Variants in KDM5B observed in about 807,000 individuals in gnomAD.
The protein encoded by KDM5B is lysine-specific demethylase 5B.
Under a neutral mutation model 193.4 loss-of-function variants are expected in KDM5B, and 144 were observed. The observed-to-expected ratio is 0.74, with a 90% CI of 0.65 to 0.86. The LOEUF is 0.86. KDM5B is among the 40% of genes least tolerant of loss of function. KDM5B has a pLI of 0.00. For missense variants in KDM5B, 1,833 were observed against 1,886.9 expected (o/e 0.97, Z 0.53); for synonymous variants, 668 against 682.6 (o/e 0.98, Z 0.33).
intron 7 of KDM5B, 128 bp from the exon 8 acceptor site, chr1:202,760,701 C>A: frequency 1.8e-6 from 1 of 541,190 alleles, no homozygotes; most frequent in Non-Finnish European, 3.1e-6. Flanking sequence ...GCTTCAACCT[C>A]TATAAGGGAT....
In KDM5B at chr1:202,733,576, C is replaced by T. The variant is rs1654974995; in HGVS notation, c.3734G>A (p.Arg1245His). ...LLASLQRIRV[R>H]LPEGDALRYM... ...TCGAAGTGCATCTCCCTCAGGAAGGCGAACTCGGATACGCTGAAGGGAGGC... is the reference window on the plus strand; with the variant it reads ...TCGAAGTGCATCTCCCTCAGGAAGGTGAACTCGGATACGCTGAAGGGAGGC... Residue 1245 changes from arginine to histidine, a missense_variant, in exon 23 of 27, where the codon CGC becomes CAC. Arg to His is a conservative substitution (Grantham distance 29). Around this residue, in one of 3 missense-constraint regions of KDM5B, gnomAD observed 1,379 missense variants for 1,349.6 expected, o/e 1.02. Coordinates refer to ENST00000367265, the MANE Select transcript of KDM5B (RefSeq NM_006618.5). 15 of 1,613,974 alleles carry T rather than the reference C, an allele frequency of 9.3e-6. No individual in the cohort carries two copies. Among genetic ancestry groups the T allele is most frequent in the Admixed American group, 1.7e-5 (1 of 59,988 alleles).
In KDM5B at chr1:202,731,072, G is replaced by C. The variant is rs553166606; in HGVS notation, c.4022-9C>G. ...CACTTCTGGACTAACACCTGTAAAA[G>C]ACCAGACCAAATCAAAATGATAACA... On this transcript the variant is annotated splice_polypyrimidine_tract_variant and intron_variant, in intron 24 of 26. Transcript: ENST00000367265. 6.3e-7 allele frequency: 1 copy of C among 1,584,150 alleles called. No homozygotes were observed. The highest frequency in any genetic ancestry group is 1.4e-5 in the African/African-American group (1 of 73,972).
chr1:202,751,572 A>G lies in KDM5B; in HGVS notation c.1702-794T>C, dbSNP rs185807669. The stretch of plus-strand genomic sequence containing the variant: ...TCCTCCTTCCCTGACTCTGCCAAAC[A>G]TGTGATAATTTATCAGAGTTCCAGC... On this transcript the variant is annotated intron_variant, in intron 12 of 26. Transcript: ENST00000367265. Among the ~76,000 whole-genome samples, 3 of 152,234 alleles carry G rather than the reference A, an allele frequency of 2.0e-5. No individual in the cohort carries two copies. In the East Asian group the frequency reaches 5.8e-4, roughly 29 times the overall value.
At chr1:202,782,561 T>C (rs1340134178) in intron 1 of KDM5B, among the ~76,000 whole-genome samples, 2 of 152,150 alleles carry the variant, frequency 1.3e-5, no homozygotes, top group African/African-American at 4.8e-5. Context: ...CAACAGATCA[T>C]AATAAAGCTT....
intron 1 of KDM5B, among the ~76,000 whole-genome samples, chr1:202,797,544 G>C (rs985620910): frequency 3.9e-5 from 6 of 152,124 alleles, no homozygotes; most frequent in African/African-American, 1.4e-4. Context: ...TTTCTTAAAA[G>C]ATCTAGGTAA....
rs1413229505 is a variant in KDM5B at position 202,729,044 on chromosome 1, G to A, written c.4627C>T (p.Arg1543Ter). ...VRCTVKDAPS[R>*]K ...TATCTGTTTTTGTGTTTTTACTTTC[G>A]GCTTGGTGCGTCCTTCACAGTACAG... Residue 1543 changes from arginine (R) to a stop codon, truncating the protein, a stop_gained, in exon 27 of 27, where the codon CGA becomes TGA. Transcript: ENST00000367265. LOFTEE classifies it high-confidence loss of function. 2.5e-6 allele frequency: 4 copies of A among 1,613,882 alleles called. No homozygotes were observed. The highest frequency in any genetic ancestry group is 2.5e-6 in the Non-Finnish European group (3 of 1,179,954).
Position 202,728,775 on chromosome 1 carries a change from GC to G in KDM5B, c.*260del. 2.7e-6 allele frequency: 1 copy of G among 366,284 alleles called. No homozygotes were observed. The highest frequency in any genetic ancestry group is 5.0e-6 in the Non-Finnish European group (1 of 199,786). 22.7% of individuals were successfully genotyped at this position (366,284 alleles called of 1,614,324 possible). A position where few individuals can be genotyped will look rare whatever the true frequency, so the allele number is the denominator to read the frequency against. On this transcript the variant is annotated 3_prime_UTR_variant, in exon 27 of 27. Transcript: ENST00000367265. ...GCCTTCCAAATTGGTGGGAACCCCT[GC>G]AAAAAAAACAGTCAGCTTTTCAAAC...
Position 202,762,099 on chromosome 1 carries a change from G to C in KDM5B, c.918+600C>G, listed in dbSNP as rs569981322. On this transcript the variant is annotated intron_variant, in intron 7 of 26. Transcript: ENST00000367265. ...ACCAGATCCTTTCTAATGCCATCAG[G>C]CTTTACTTTTAATAAAAGTTTTCCA... 1.7e-3 allele frequency among the ~76,000 whole-genome samples: 260 copies of C among 152,232 alleles called. 1 individual carries two copies. Among genetic ancestry groups the C allele is most frequent in the Non-Finnish European group, 3.2e-3 (216 of 67,996 alleles).
intron 4 of KDM5B, among the ~76,000 whole-genome samples, chr1:202,768,717 CTTT>C (rs11450747): frequency 3.8e-5 from 5 of 130,420 alleles, no homozygotes; most frequent in Admixed American, 1.7e-4. Context: ...GTTAACTATT[CTTT>C]TTTTTTTTTT....
At chr1:202,741,743 T>G (rs1335587848) in intron 18 of KDM5B, 21 bp from the exon 19 acceptor site, 3 of 1,440,008 alleles carry the variant, frequency 2.1e-6, no homozygotes, top group Non-Finnish European at 2.9e-6. Context: ...ATACACAGGT[T>G]GTTGCATTAA....
At chr1:202,785,499 C>CT (rs1274874341) in intron 1 of KDM5B, among the ~76,000 whole-genome samples, 2 of 152,102 alleles carry the variant, frequency 1.3e-5, no homozygotes, top group African/African-American at 4.8e-5. Flanking sequence ...CGGCTTTGTA[C>CT]TAGGTTAAGT....
chr1:202,730,861 C>A, intron 25 of KDM5B, 48 bp downstream of exon 25: 1 of 1,527,440 alleles, frequency 6.5e-7, no homozygotes, highest in Non-Finnish European at 8.8e-7. Context: ...ATAAAGCATA[C>A]CCCCACCCCA....
intron 1 of KDM5B, among the ~76,000 whole-genome samples, chr1:202,800,678 G>C (rs1658036703): frequency 6.6e-6 from 1 of 152,150 alleles, no homozygotes; most frequent in Non-Finnish European, 1.5e-5. Flanking sequence ...ACTGATGTCA[G>C]CTCTGTTTTG....
rs1023560769 is a variant in KDM5B at position 202,804,264 on chromosome 1, T to A, written c.204+3838A>T. ...TATTTCAATAAAAGGGTTTTTTTTT[T>A]AAGTAGTTATAAGTTCTTCCTTTGC... On this transcript the variant is annotated intron_variant, in intron 1 of 26. Coordinates refer to ENST00000367265, the MANE Select transcript of KDM5B (RefSeq NM_006618.5). Among the ~76,000 whole-genome samples the A allele has an allele frequency of 3.4e-5, 5 of 146,902 alleles. No individual in the cohort carries two copies. In the East Asian group the frequency reaches 6.1e-4, roughly 18 times the overall value.
intron 3 of KDM5B, 107 bp downstream of exon 3, chr1:202,774,506 G>A (rs12410981): frequency 1.0e-6 from 1 of 996,712 alleles, no homozygotes; most frequent in East Asian, 2.5e-5. Flanking sequence ...GAGATTACAG[G>A]TGCGAGCCAC....
rs1654967404 is a variant in KDM5B at position 202,733,444 on chromosome 1, C to A, written c.3866G>T (p.Ser1289Ile). The part of the protein sequence containing the change: ...QDRVGSGLLY[S>I]RWQASAGQVS... ...CTGTCCTGCTGAGGCTTGCCATCTG[C>A]TATATAACAGTCCTGAGCCCACTCG... The change falls in exon 23 of 27, where the codon AGC becomes ATC. Residue 1289 changes from serine to isoleucine, a missense_variant. Coordinates refer to ENST00000367265, the MANE Select transcript of KDM5B (RefSeq NM_006618.5). 1 of 1,614,016 alleles carries A rather than the reference C, an allele frequency of 6.2e-7. No homozygotes were observed. Among genetic ancestry groups the A allele is most frequent in the Non-Finnish European group, 8.5e-7 (1 of 1,179,986 alleles).
At chr1:202,784,293 C>G (rs1404165014) in intron 1 of KDM5B, among the ~76,000 whole-genome samples, 1 of 152,174 alleles carries the variant, frequency 6.6e-6, no homozygotes, top group Non-Finnish European at 1.5e-5. Context: ...AAAGTTGGCT[C>G]TAACTCCCTG....
chr1:202,741,821 T>C (rs1290158908), intron 18 of KDM5B, 99 bp from the exon 19 acceptor site: 8 of 686,704 alleles, frequency 1.2e-5, no homozygotes, highest in East Asian at 1.1e-4. Context: ...TGAGATCCCA[T>C]TTAATTTTAG....
chr1:202,768,879 G>A (rs563415080), intron 4 of KDM5B, among the ~76,000 whole-genome samples: 26 of 149,910 alleles, frequency 1.7e-4, no homozygotes, highest in East Asian at 4.0e-4. Flanking sequence ...CACCACGCCC[G>A]GCTGATTTTG....
Sources: gnomAD v4.1 joint callset for allele counts (sites outside exome capture counted in the v4.1 genomes callset) on GRCh38, gnomAD v4.1.1 for gene constraint, gnomAD v4.1.1 regional missense constraint, MANE v1.5 for transcripts, NCBI Gene and HGNC (gene_info 2026-07-23, HGNC 2026-07-21) for gene names.